ARFGEF1: variants seen among roughly 807,000 people sequenced by gnomAD.
ARFGEF1 encodes the protein ARF guanine nucleotide exchange factor 1, also known as brefeldin A-inhibited guanine nucleotide-exchange protein 1.
In ARFGEF1, 42 loss-of-function variants were observed where a neutral mutation model predicts 231.0. That is an observed-to-expected ratio of 0.18 (90% CI 0.14 to 0.24). ARFGEF1 has a LOEUF of 0.24. ARFGEF1 is among the 10% of genes least tolerant of loss of function. The probability of loss-of-function intolerance (pLI) is 1.00; values close to 1 mark genes in which losing one functional copy is unlikely to be tolerated. For missense variants in ARFGEF1, 1,345 were observed against 2,192.0 expected (o/e 0.61, Z 7.72); for synonymous variants, 710 against 732.3 (o/e 0.97, Z 0.49).
chr8:67,220,059 A>G (rs796938710), intron 29 of ARFGEF1, among the ~76,000 whole-genome samples: 3 of 152,382 alleles, frequency 2.0e-5, no homozygotes, highest in African/African-American at 7.2e-5. Context: ...ACTAAGGCAT[A>G]AGCTCCATGA....
At chr8:67,302,348 C>T in intron 2 of ARFGEF1, 88 bp downstream of exon 2, 3 of 955,920 alleles carry the variant, frequency 3.1e-6, no homozygotes, top group Non-Finnish European at 4.4e-6. Context: ...GAGAATTTGC[C>T]ACACTAAAAT....
intron 1 of ARFGEF1, among the ~76,000 whole-genome samples, chr8:67,334,136 C>CAAAAAA (rs368714166): frequency 1.1e-4 from 5 of 43,656 alleles, no homozygotes; most frequent in Non-Finnish European, 1.5e-4. Context: ...AACTCCGTCT[C>CAAAAAA]AAAAAAAAAA....
intron 34 of ARFGEF1, among the ~76,000 whole-genome samples, chr8:67,211,052 A>C (rs1377393448): frequency 2.0e-5 from 3 of 148,416 alleles, no homozygotes; most frequent in East Asian, 3.9e-4. Context: ...TCAAAAAAAA[A>C]AAAAACAAAA....
At chr8:67,239,682 C>CT (rs1164788128) in intron 20 of ARFGEF1, among the ~76,000 whole-genome samples, 1 of 152,012 alleles carries the variant, frequency 6.6e-6, no homozygotes, top group Non-Finnish European at 1.5e-5. Context: ...ATGAATTTTT[C>CT]TTTTTTTAAA....
At chr8:67,286,454 T>G (rs1312310423) in intron 7 of ARFGEF1, among the ~76,000 whole-genome samples, 1 of 152,210 alleles carries the variant, frequency 6.6e-6, no homozygotes, top group African/African-American at 2.4e-5. Context: ...TTTTAGGCTT[T>G]AGAGGTCGTA....
At chr8:67,268,654 T>C (rs1408931070) in intron 10 of ARFGEF1, among the ~76,000 whole-genome samples, 1 of 152,194 alleles carries the variant, frequency 6.6e-6, no homozygotes, top group Non-Finnish European at 1.5e-5. Context: ...AGTATTCAAT[T>C]CCAAGATCTA....
intron 4 of ARFGEF1, among the ~76,000 whole-genome samples, chr8:67,298,190 T>A (rs2128913494): frequency 6.6e-6 from 1 of 152,214 alleles, no homozygotes. Context: ...AGGGTTGTAT[T>A]CACACATGAA....
chr8:67,179,509 G>A lies in ARFGEF1; in HGVS notation c.561-3937C>T, dbSNP rs573582850. Among the ~76,000 whole-genome samples the A allele has an allele frequency of 2.0e-5, 3 of 152,266 alleles. No individual in the cohort carries two copies. The East Asian group carries it at 5.8e-4, about 29-fold the overall frequency. On this transcript the variant is annotated intron_variant, in intron 5 of 5. Transcript: ENST00000518789. ...TGGCTTAAAGACTTAATGTTTAATTGGGGTCTTTGCTTCATACTGTATTAT... is the reference window on the plus strand; with the variant it reads ...TGGCTTAAAGACTTAATGTTTAATTAGGGTCTTTGCTTCATACTGTATTAT...
At chr8:67,319,942 C>T (rs1334604832) in intron 1 of ARFGEF1, among the ~76,000 whole-genome samples, 6 of 151,914 alleles carry the variant, frequency 3.9e-5, no homozygotes, top group Non-Finnish European at 7.4e-5. Flanking sequence ...ATGCTCAGAC[C>T]GGGCACAGTG....
At chr8:67,312,532 AAAAC>A (rs1368664801) in intron 1 of ARFGEF1, among the ~76,000 whole-genome samples, 2 of 152,208 alleles carry the variant, frequency 1.3e-5, no homozygotes, top group East Asian at 1.9e-4. Flanking sequence ...GATAACAAAA[AAAAC>A]AAACAAACCT....
intron 17 of ARFGEF1, among the ~76,000 whole-genome samples, chr8:67,257,088 T>C (rs1840480320): frequency 6.6e-6 from 1 of 152,148 alleles, no homozygotes; most frequent in African/African-American, 2.4e-5. Flanking sequence ...GAAACATTTT[T>C]TTTTTTTGAG....
intron 5 of ARFGEF1, among the ~76,000 whole-genome samples, chr8:67,292,820 G>C (rs1168668321): frequency 6.6e-6 from 1 of 151,692 alleles, no homozygotes; most frequent in African/African-American, 2.4e-5. Context: ...CATCTCTTTT[G>C]GTCCTCAAGA....
In ARFGEF1 at chr8:67,266,197, T is replaced by C. The variant is rs771132598; in HGVS notation, c.1932A>G (p.Lys644=). 1.2e-6 allele frequency: 2 copies of C among 1,612,940 alleles called. No homozygotes were observed. Among genetic ancestry groups the C allele is most frequent in the Non-Finnish European group, 1.7e-6 (2 of 1,179,452 alleles). Residue 644 remains lysine (K), a synonymous_variant, in exon 14 of 39, where the codon AAA becomes AAG. Coordinates refer to ENST00000262215, the MANE Select transcript of ARFGEF1 (RefSeq NM_006421.5). ...PNSQTTLGQE[K]PSEQEMSEIK... Reference sequence around the variant, plus strand: ...TTTCACTCATCTCTTGCTCTGAGGGTTTTTCCTGACCTGAAAGAAGAAAAA... The same window carrying C: ...TTTCACTCATCTCTTGCTCTGAGGGCTTTTCCTGACCTGAAAGAAGAAAAA...
rs972646072 is a variant in ARFGEF1 at position 67,343,388 on chromosome 8, G to A, written c.-101C>T. The A allele has an allele frequency of 4.3e-5, 65 of 1,501,764 alleles. No individual in the cohort carries two copies. Among genetic ancestry groups the A allele is most frequent in the South Asian group, 8.7e-5 (7 of 80,058 alleles). 93.0% of individuals were successfully genotyped at this position (1,501,764 alleles called of 1,614,324 possible). A position where few individuals can be genotyped will look rare whatever the true frequency, so the allele number is the denominator to read the frequency against. ...GAAGAGAAGAGAGAAAGGAGAGGGGGTGGAGGTGGGGGATTGGAGGCGTGG... is the reference window on the plus strand; with the variant it reads ...GAAGAGAAGAGAGAAAGGAGAGGGGATGGAGGTGGGGGATTGGAGGCGTGG... On this transcript the variant is annotated 5_prime_UTR_variant, in exon 1 of 39. Transcript: ENST00000262215.
intron 15 of ARFGEF1, among the ~76,000 whole-genome samples, chr8:67,258,705 T>C (rs568892023): frequency 4.6e-5 from 7 of 152,274 alleles, no homozygotes; most frequent in East Asian, 1.9e-4. Flanking sequence ...CCGCAGACTT[T>C]TGATTATAGA....
At chr8:67,318,439 T>A (rs1807428149) in intron 1 of ARFGEF1, among the ~76,000 whole-genome samples, 1 of 152,142 alleles carries the variant, frequency 6.6e-6, no homozygotes, top group African/African-American at 2.4e-5. Flanking sequence ...TCATTTCTAC[T>A]CAACTTTGTA....
intron 1 of ARFGEF1, among the ~76,000 whole-genome samples, chr8:67,340,987 G>A: frequency 6.6e-6 from 1 of 152,248 alleles, no homozygotes; most frequent in African/African-American, 2.4e-5. Context: ...GAGTTAACAG[G>A]ACAGTGCAAT....
intron 29 of ARFGEF1, among the ~76,000 whole-genome samples, chr8:67,221,957 G>A (rs1353694045): frequency 2.0e-5 from 3 of 151,264 alleles, no homozygotes; most frequent in Non-Finnish European, 4.4e-5. Context: ...GGGACTACAG[G>A]TGCCCACCAC....
intron 5 of ARFGEF1, chr8:67,190,721 C>G: frequency 6.2e-7 from 1 of 1,613,798 alleles, no homozygotes; most frequent in Non-Finnish European, 8.5e-7. Context: ...GCCCTCTGCA[C>G]GGGAGCGCAG....
Sources: allele counts gnomAD v4.1 joint callset (sites outside exome capture counted in the v4.1 genomes callset), GRCh38; gene constraint gnomAD v4.1.1; transcripts MANE v1.5; gene names NCBI Gene and HGNC (gene_info 2026-07-23, HGNC 2026-07-21).